SULF1: variants seen among roughly 807,000 people sequenced by gnomAD.
SULF1 encodes the protein sulfatase 1.
In SULF1, 46 loss-of-function variants were observed where a neutral mutation model predicts 110.5. The ratio of observed to expected loss-of-function variants is 0.42; its 90% CI spans 0.33 to 0.53. SULF1 has a LOEUF of 0.53. Among genes scored for constraint, SULF1 ranks in the 20% least tolerant of loss-of-function variants. SULF1 has a pLI of 0.12. For synonymous variants in SULF1, 371 were observed against 387.1 expected (o/e 0.96, Z 0.49); for missense variants, 941 against 1,094.2 (o/e 0.86, Z 1.98).
intron 3 of SULF1, among the ~76,000 whole-genome samples, chr8:69,528,765 C>T (rs1812871097): frequency 6.6e-6 from 1 of 152,132 alleles, no homozygotes. Context: ...GGGAAGAAAG[C>T]AGGCAAGATA....
chr8:69,640,128 G>GAAGGAAGA (rs1554597214), intron 21 of SULF1, among the ~76,000 whole-genome samples: 2 of 147,750 alleles, frequency 1.4e-5, no homozygotes, highest in Non-Finnish European at 3.0e-5. Flanking sequence ...AGAAAGGAAG[G>GAAGGAAGA]AAGAAGGAAG....
Position 69,629,630 on chromosome 8 carries a change from T to C in SULF1, c.2235T>C (p.Thr745=). Reference sequence around the variant, plus strand: ...AAGAGTGCAGCCTGCCTGGCCTCACTTGCTTCACGCATGACAACAACCACT... The same window carrying C: ...AAGAGTGCAGCCTGCCTGGCCTCACCTGCTTCACGCATGACAACAACCACT... The part of the protein sequence containing the change: ...KGEECSLPGL[T]CFTHDNNHWQ... The change falls in exon 19 of 23, where the codon ACT becomes ACC. Residue 745 remains threonine, a synonymous_variant. Coordinates refer to ENST00000402687, the MANE Select transcript of SULF1 (RefSeq NM_001128205.2). 1.9e-6 allele frequency: 3 copies of C among 1,613,370 alleles called. No individual in the cohort carries two copies. Among genetic ancestry groups the C allele is most frequent in the Non-Finnish European group, 2.5e-6 (3 of 1,179,634 alleles).
At chr8:69,655,820 T>A (rs1812682975) in intron 22 of SULF1, among the ~76,000 whole-genome samples, 1 of 152,270 alleles carries the variant, frequency 6.6e-6, no homozygotes, top group South Asian at 2.1e-4. Flanking sequence ...TTCTCTTTGG[T>A]CTGTGCTCCC....
At chr8:69,526,255 G>T (rs1395737664) in intron 3 of SULF1, among the ~76,000 whole-genome samples, 1 of 152,006 alleles carries the variant, frequency 6.6e-6, no homozygotes. Context: ...CTCTTCTTCA[G>T]TTTCCTGTAA....
intron 3 of SULF1, among the ~76,000 whole-genome samples, chr8:69,554,130 C>A (rs1462042423): frequency 6.6e-6 from 1 of 152,182 alleles, no homozygotes; most frequent in Admixed American, 6.5e-5. Flanking sequence ...TATATCAGCT[C>A]CTTTGTGTGA....
intron 8 of SULF1, among the ~76,000 whole-genome samples, chr8:69,597,879 G>A (rs1446868606): frequency 2.0e-5 from 3 of 152,032 alleles, no homozygotes; most frequent in East Asian, 1.9e-4. Flanking sequence ...AAATGGTTAG[G>A]GGCCTTTCAC....
rs569670876 is a variant in SULF1, at chr8:69,485,320, C to T, written c.-390-10445C>T. 3.3e-5 allele frequency among the ~76,000 whole-genome samples: 5 copies of T among 152,312 alleles called. No homozygotes were observed. In the East Asian group the frequency reaches 9.7e-4, roughly 29 times the overall value. On this transcript the variant is annotated intron_variant, in intron 1 of 22. Transcript: ENST00000260128. ...TGTGCATTCCAGTATAGCACACAGA[C>T]ATCTTAAGTGCAGAACTTAACTTTA... is the stretch of plus-strand genomic sequence containing the variant.
intron 6 of SULF1, among the ~76,000 whole-genome samples, chr8:69,583,830 C>T (rs771926939): frequency 1.3e-5 from 2 of 152,114 alleles, no homozygotes; most frequent in Admixed American, 6.5e-5. Flanking sequence ...GGGAAGATGA[C>T]ATTACAACCA....
At chr8:69,538,119 G>C (rs1365087732) in intron 3 of SULF1, among the ~76,000 whole-genome samples, 1 of 151,898 alleles carries the variant, frequency 6.6e-6, no homozygotes, top group Admixed American at 6.6e-5. Context: ...CAGCCACCTC[G>C]CCCTGCTAAT....
At chr8:69,645,252 A>G (rs971733354) in intron 22 of SULF1, among the ~76,000 whole-genome samples, 1 of 152,214 alleles carries the variant, frequency 6.6e-6, no homozygotes, top group Non-Finnish European at 1.5e-5. Flanking sequence ...CTAAGCTGTC[A>G]GAGGGTGTTC....
upstream of SULF1, among the ~76,000 whole-genome samples, chr8:69,491,902 G>A (rs759335515): frequency 1.5e-4 from 23 of 152,162 alleles, no homozygotes; most frequent in Non-Finnish European, 2.4e-4. Flanking sequence ...GGGAAATTGG[G>A]GAAGGCTTTT....
intron 8 of SULF1, among the ~76,000 whole-genome samples, chr8:69,597,918 G>A (rs912738755): frequency 3.3e-5 from 5 of 152,040 alleles, no homozygotes; most frequent in African/African-American, 9.7e-5. Flanking sequence ...CTCTGACCTC[G>A]GACTACCCTC....
intron 12 of SULF1, among the ~76,000 whole-genome samples, chr8:69,604,287 C>T (rs969386546): frequency 2.0e-5 from 3 of 152,154 alleles, no homozygotes; most frequent in Non-Finnish European, 2.9e-5. Flanking sequence ...ATCCTCCCCA[C>T]GTTCTTCTCT....
intron 3 of SULF1, among the ~76,000 whole-genome samples, chr8:69,523,712 T>G (rs977122272): frequency 1.3e-5 from 2 of 152,128 alleles, no homozygotes; most frequent in Middle Eastern, 3.4e-3. Context: ...GGAGGGGAAT[T>G]AAGACATCAG....
intron 13 of SULF1, 80 bp from the exon 14 acceptor site, chr8:69,620,955 G>A (rs1809548011): frequency 7.8e-7 from 1 of 1,276,718 alleles, no homozygotes; most frequent in African/African-American, 1.5e-5. Context: ...AAAGAAAAAA[G>A]AAAAAAACTA....
Position 69,638,499 on chromosome 8 carries a change from C to T in SULF1, c.2285-3C>T, listed in dbSNP as rs1298397040. 6.2e-7 allele frequency: 1 copy of T among 1,610,198 alleles called. No individual in the cohort carries two copies. The highest frequency in any genetic ancestry group is 2.2e-5 in the East Asian group (1 of 44,860). Reference sequence around the variant, plus strand: ...TGTTGTGTTTTTCTTTTTTACCCAACAGTGGGATCTTTCTGTGCTTGCACG... The same window carrying T: ...TGTTGTGTTTTTCTTTTTTACCCAATAGTGGGATCTTTCTGTGCTTGCACG... On this transcript the variant is annotated splice_region_variant and splice_polypyrimidine_tract_variant and intron_variant, in intron 19 of 22. Transcript: ENST00000402687.
chr8:69,615,142 GT>G (rs367714151), intron 13 of SULF1, among the ~76,000 whole-genome samples: 114 of 152,268 alleles, frequency 7.5e-4, no homozygotes, highest in African/African-American at 2.6e-3. Context: ...CCATTAGCAG[GT>G]GCCTCACCTG....
chr8:69,590,696 A>G (rs1052935998), intron 8 of SULF1, among the ~76,000 whole-genome samples: 1 of 152,222 alleles, frequency 6.6e-6, no homozygotes. Flanking sequence ...TCGACAAATC[A>G]TGAAGGTTGC....
Position 69,604,873 on chromosome 8 carries a change from C to A in SULF1, c.1318C>A (p.Arg440=). ...GTCAAATCACTTGCCCAAATATGAA[C>A]GGGTCAAAGAACTATGCCAGCAGGC... is the stretch of plus-strand genomic sequence containing the variant. ...QQSNHLPKYE[R]VKELCQQARY... Residue 440 remains arginine, a synonymous_variant, in exon 13 of 23, where the codon CGG becomes AGG. Transcript: ENST00000402687. 3 of 1,614,182 alleles carry A rather than the reference C, an allele frequency of 1.9e-6. No homozygotes were observed. The highest frequency in any genetic ancestry group is 2.5e-6 in the Non-Finnish European group (3 of 1,180,032).
Sources: gnomAD v4.1 joint callset for allele counts (sites outside exome capture counted in the v4.1 genomes callset) on GRCh38, gnomAD v4.1.1 for gene constraint, MANE v1.5 for transcripts, NCBI Gene and HGNC (gene_info 2026-07-23, HGNC 2026-07-21) for gene names.